OCA2: variants seen among roughly 807,000 people sequenced by gnomAD.
OCA2 encodes the protein P protein.
In OCA2, 77 loss-of-function variants were observed where a neutral mutation model predicts 100.2. That is an observed-to-expected ratio of 0.77 (90% CI 0.64 to 0.93). OCA2 has a LOEUF of 0.93. Ranked by LOEUF, OCA2 falls within the 40% of genes least tolerant of loss-of-function variation. OCA2 has a pLI of 0.00. For synonymous variants in OCA2, 432 were observed against 439.2 expected (o/e 0.98, Z 0.21); for missense variants, 1,062 against 1,089.1 (o/e 0.98, Z 0.35).
chr15:27,963,709 C>T (rs2040477178), intron 15 of OCA2, among the ~76,000 whole-genome samples: 1 of 150,572 alleles, frequency 6.6e-6, no homozygotes, highest in South Asian at 2.1e-4. Context: ...TTTAAGAAAC[C>T]AGTGAAAAAA....
intron 23 of OCA2, among the ~76,000 whole-genome samples, chr15:27,809,111 G>T (rs745616795): frequency 5.9e-5 from 9 of 152,134 alleles, no homozygotes; most frequent in Admixed American, 1.3e-4. Context: ...ACTTCCTCTT[G>T]CCCTTGTGGG....
At chr15:28,017,213 A>G (rs1468495010) in intron 7 of OCA2, among the ~76,000 whole-genome samples, 1 of 152,222 alleles carries the variant, frequency 6.6e-6, no homozygotes, top group African/African-American at 2.4e-5. Flanking sequence ...AGTGTTTGCA[A>G]AGAGCGTATC....
rs541852680 is a variant in OCA2, at chr15:27,756,174, T to C, written c.2433-702A>G. Among the ~76,000 whole-genome samples the C allele has an allele frequency of 3.3e-5, 5 of 152,378 alleles. No homozygotes were observed. The East Asian group carries it at 7.7e-4, about 24-fold the overall frequency. ...ATGGGTAATGCACGCTCTGTAGCCA[T>C]TGCTCAGTGCTGCCTGGTCACTAAG... On this transcript the variant is annotated intron_variant, in intron 23 of 23. Coordinates refer to ENST00000354638, the MANE Select transcript of OCA2 (RefSeq NM_000275.3).
intron 19 of OCA2, among the ~76,000 whole-genome samples, chr15:27,894,040 G>A (rs2037580762): frequency 6.6e-6 from 1 of 152,128 alleles, no homozygotes; most frequent in African/African-American, 2.4e-5. Flanking sequence ...CTGAGACTCA[G>A]GCAGGCATCA....
At chr15:27,858,766 A>G (rs2036030810) in intron 21 of OCA2, among the ~76,000 whole-genome samples, 1 of 152,294 alleles carries the variant, frequency 6.6e-6, no homozygotes, top group East Asian at 1.9e-4. Context: ...TTGGAGACAT[A>G]AAATATTCCC....
At chr15:27,871,090 AG>A in intron 21 of OCA2, 63 bp downstream of exon 21, 1 of 1,193,586 alleles carries the variant, frequency 8.4e-7, no homozygotes, top group Non-Finnish European at 1.3e-6. Context: ...TTAGGAAGGG[AG>A]GGTGAGCCCC....
chr15:27,932,861 G>A (rs988199382), intron 18 of OCA2, among the ~76,000 whole-genome samples: 7 of 151,904 alleles, frequency 4.6e-5, no homozygotes, highest in Admixed American at 2.0e-4. Flanking sequence ...TACAGCCTTC[G>A]ATTATAAAAA....
chr15:28,031,188 T>C (rs998305031), intron 3 of OCA2, among the ~76,000 whole-genome samples: 1 of 152,236 alleles, frequency 6.6e-6, no homozygotes. Context: ...TCTGCCTATA[T>C]GGATAAGAAT....
At chr15:27,896,465 G>A in intron 19 of OCA2, 1 of 614,596 alleles carries the variant, frequency 1.6e-6, no homozygotes, top group Admixed American at 2.3e-5. Context: ...AGAAGCCCAA[G>A]AAAAAAGTTA....
chr15:27,967,163 C>A (rs983154002), intron 14 of OCA2, among the ~76,000 whole-genome samples: 3 of 152,042 alleles, frequency 2.0e-5, no homozygotes, highest in Admixed American at 6.5e-5. Flanking sequence ...GGAAGACGGG[C>A]CTTTCCTCCG....
chr15:27,887,375 C>A (rs895429430), intron 19 of OCA2, among the ~76,000 whole-genome samples: 10 of 151,452 alleles, frequency 6.6e-5, no homozygotes, highest in African/African-American at 2.4e-4. Flanking sequence ...GCTTGTTCCT[C>A]CCTTGGATGA....
chr15:27,994,006 G>C (rs2041640488), intron 9 of OCA2, among the ~76,000 whole-genome samples: 1 of 151,996 alleles, frequency 6.6e-6, no homozygotes, highest in East Asian at 1.9e-4. Context: ...TCAGCTATCA[G>C]GAATAAAAAA....
chr15:28,011,856 G>A (rs951329905), intron 9 of OCA2, among the ~76,000 whole-genome samples: 3 of 151,508 alleles, frequency 2.0e-5, no homozygotes, highest in Middle Eastern at 3.4e-3. Context: ...AGATGGTGTT[G>A]CAGTGAGCCG....
intron 23 of OCA2, among the ~76,000 whole-genome samples, chr15:27,792,514 G>A (rs1166421335): frequency 6.6e-6 from 1 of 152,072 alleles, no homozygotes; most frequent in African/African-American, 2.4e-5. Context: ...GTCCTTCCTG[G>A]GTGGCCAGCC....
downstream of OCA2, among the ~76,000 whole-genome samples, chr15:27,751,425 G>A (rs1413834062): frequency 1.3e-5 from 2 of 152,132 alleles, no homozygotes; most frequent in Non-Finnish European, 2.9e-5. Flanking sequence ...GTAATTTTAG[G>A]AGTGACTTAA....
intron 23 of OCA2, among the ~76,000 whole-genome samples, chr15:27,770,543 C>T (rs889742346): frequency 6.6e-6 from 1 of 152,178 alleles, no homozygotes; most frequent in Non-Finnish European, 1.5e-5. Context: ...TCCTTCCTCC[C>T]TCGCCGCCGG....
In OCA2 at chr15:28,027,892, C is replaced by T. The variant is rs371349719; in HGVS notation, c.494G>A (p.Arg165Gln). The T allele has an allele frequency of 3.1e-6, 5 of 1,613,244 alleles. No homozygotes were observed. The highest frequency in any genetic ancestry group is 4.2e-6 in the Non-Finnish European group (5 of 1,180,016). ...CTACCTCAGCTTGGAAAGACGGAGT[C>T]GGATGTGCGGGCTGTCCAGAAGGTC... ...KGDLLDSPHI[R>Q]LRLSKLRRCV... is the part of the protein sequence containing the mutation. Residue 165 changes from arginine to glutamine, a missense_variant, in exon 4 of 24, where the codon CGA becomes CAA. By Grantham distance (43) the Arg-to-Gln change is conservative (BLOSUM62 1). Transcript: ENST00000354638.
intron 23 of OCA2, among the ~76,000 whole-genome samples, chr15:27,803,265 G>A (rs1400705343): frequency 6.6e-6 from 1 of 152,138 alleles, no homozygotes; most frequent in African/African-American, 2.4e-5. Context: ...AGGTCTTGAA[G>A]AGTTATTTGT....
intron 19 of OCA2, among the ~76,000 whole-genome samples, chr15:27,924,954 C>T (rs1228618383): frequency 6.6e-6 from 1 of 152,094 alleles, no homozygotes; most frequent in Non-Finnish European, 1.5e-5. Flanking sequence ...ATACCAGTAT[C>T]AGGCAAATAG....
Sources: allele counts gnomAD v4.1 joint callset (sites outside exome capture counted in the v4.1 genomes callset), GRCh38; gene constraint gnomAD v4.1.1; transcripts MANE v1.5; gene names NCBI Gene and HGNC (gene_info 2026-07-23, HGNC 2026-07-21).